The following DLG2 variants were observed in gnomAD, a reference collection of about 807,000 sequenced individuals.
The protein encoded by DLG2 is disks large homolog 2.
Under a neutral mutation model 132.5 loss-of-function variants are expected in DLG2, and 45 were observed. The observed-to-expected ratio is 0.34, with a 90% CI of 0.27 to 0.44. The LOEUF is 0.44. Ranked by LOEUF, DLG2 falls within the 20% of genes least tolerant of loss-of-function variation. The probability of loss-of-function intolerance (pLI) is 1.00; values close to 1 mark genes in which losing one functional copy is unlikely to be tolerated. For missense variants in DLG2, 1,045 were observed against 1,196.9 expected, an observed-to-expected ratio of 0.87 and a Z score of 1.87; for synonymous variants, 424 against 419.6, an observed-to-expected ratio of 1.01 and a Z score of -0.13.
At position 83,833,731 on chromosome 11, in the gene DLG2, G is replaced by T. The variant is rs2055251514; in HGVS notation, c.1605C>A (p.Gly535=). The T allele has an allele frequency of 1.9e-6, 3 of 1,613,962 alleles. No individual in the cohort carries two copies. The highest frequency in any genetic ancestry group is 2.5e-6 in the Non-Finnish European group (3 of 1,179,942). ...CCCCACCGACAATGTTGAAGCCCAG[G>T]CCAGTGGAGCCTTTGTGCAGGACTA... ...RKVVLHKGST[G]LGFNIVGGED... The change falls in exon 17 of 28, where the codon GGC becomes GGA. Residue 535 remains glycine, a synonymous_variant. Coordinates refer to ENST00000376104, the MANE Select transcript of DLG2 (RefSeq NM_001142699.3).
chr11:85,490,075 C>G (rs2093521680), intron 3 of DLG2, among the ~76,000 whole-genome samples: 1 of 152,012 alleles, frequency 6.6e-6, no homozygotes, highest in Admixed American at 6.6e-5. Flanking sequence ...GTAGTCCTAG[C>G]TACTCTGGAG....
chr11:83,835,666 C>T (rs2055938903), intron 16 of DLG2, among the ~76,000 whole-genome samples: 1 of 152,174 alleles, frequency 6.6e-6, no homozygotes, highest in Non-Finnish European at 1.5e-5. Flanking sequence ...ACAAATCTAG[C>T]AGGTTAAAAC....
chr11:85,554,120 A>G (rs2076810934), intron 3 of DLG2, among the ~76,000 whole-genome samples: 1 of 151,370 alleles, frequency 6.6e-6, no homozygotes, highest in African/African-American at 2.4e-5. Flanking sequence ...TTAAAAGGAC[A>G]ATAGAGTAAA....
chr11:84,530,432 CA>C (rs1591659371), intron 7 of DLG2, among the ~76,000 whole-genome samples: 2 of 151,584 alleles, frequency 1.3e-5, no homozygotes, highest in East Asian at 3.9e-4. Flanking sequence ...ATTAACAAGC[CA>C]AAAAACAATC....
At chr11:85,164,503 T>G in intron 4 of DLG2, among the ~76,000 whole-genome samples, 1 of 152,200 alleles carries the variant, frequency 6.6e-6, no homozygotes, top group East Asian at 1.9e-4. Context: ...CCCTGATAAC[T>G]TGCTGTCAAT....
chr11:84,808,188 A>C (rs1422294150), intron 6 of DLG2, among the ~76,000 whole-genome samples: 1 of 152,084 alleles, frequency 6.6e-6, no homozygotes, highest in Admixed American at 6.5e-5. Context: ...CACAAAGAAA[A>C]ATCTCCAAGT....
At chr11:83,558,316 A>G (rs953878261) in intron 19 of DLG2, among the ~76,000 whole-genome samples, 1 of 152,172 alleles carries the variant, frequency 6.6e-6, no homozygotes, top group South Asian at 2.1e-4. Context: ...AATTTAAAAA[A>G]TTTTTTATTT....
At chr11:84,684,872 T>C (rs992606717) in intron 6 of DLG2, among the ~76,000 whole-genome samples, 1 of 152,228 alleles carries the variant, frequency 6.6e-6, no homozygotes, top group Non-Finnish European at 1.5e-5. Context: ...TGTTCCCAGA[T>C]ACAGAATTAA....
intron 6 of DLG2, among the ~76,000 whole-genome samples, chr11:84,787,191 A>C (rs1699146176): frequency 6.6e-6 from 1 of 152,114 alleles, no homozygotes; most frequent in Admixed American, 6.5e-5. Flanking sequence ...GACTCTTGGC[A>C]AGTGTCTCTG....
intron 22 of DLG2, among the ~76,000 whole-genome samples, chr11:83,475,798 T>A (rs1015481973): frequency 2.0e-5 from 3 of 152,042 alleles, no homozygotes; most frequent in Non-Finnish European, 4.4e-5. Context: ...AAAATAGTCA[T>A]CCTTAAGAGT....
At chr11:84,621,430 A>G (rs1382817457) in intron 6 of DLG2, among the ~76,000 whole-genome samples, 1 of 152,136 alleles carries the variant, frequency 6.6e-6, no homozygotes, top group Non-Finnish European at 1.5e-5. Context: ...GAAGGAATAG[A>G]TGGATTTCCT....
At chr11:84,725,137 T>C (rs2062277277) in intron 6 of DLG2, among the ~76,000 whole-genome samples, 1 of 152,252 alleles carries the variant, frequency 6.6e-6, no homozygotes, top group East Asian at 1.9e-4. Flanking sequence ...AGAATTGAGA[T>C]CTGAAGCCAA....
chr11:85,518,257 G>A (rs544171470), intron 3 of DLG2, among the ~76,000 whole-genome samples: 26 of 152,252 alleles, frequency 1.7e-4, no homozygotes, highest in Admixed American at 5.9e-4. Context: ...GGGAAAGTTC[G>A]GAACTTCCTG....
chr11:84,198,850 A>G (rs1407127830), intron 8 of DLG2, among the ~76,000 whole-genome samples: 1 of 152,158 alleles, frequency 6.6e-6, no homozygotes, highest in Non-Finnish European at 1.5e-5. Flanking sequence ...AAAGACATAC[A>G]TTTTGTAGGA....
intron 18 of DLG2, among the ~76,000 whole-genome samples, chr11:83,723,152 G>A (rs1230416076): frequency 6.6e-6 from 1 of 151,474 alleles, no homozygotes; most frequent in Non-Finnish European, 1.5e-5. Context: ...AGGCCGAGGA[G>A]GGCAGATCAT....
chr11:84,951,591 T>TATATATATATATATAC, intron 6 of DLG2, among the ~76,000 whole-genome samples: 1 of 150,702 alleles, frequency 6.6e-6, no homozygotes, highest in South Asian at 2.1e-4. Flanking sequence ...AATACATACA[T>TATATATATATATATAC]ATATATATAC....
At chr11:85,481,509 C>A (rs907729640) in intron 3 of DLG2, among the ~76,000 whole-genome samples, 5 of 152,122 alleles carry the variant, frequency 3.3e-5, no homozygotes, top group African/African-American at 1.2e-4. Context: ...GGGAGAGATA[C>A]CTTCCACTTG....
chr11:84,605,912 T>C (rs1012556782), intron 6 of DLG2, among the ~76,000 whole-genome samples: 7 of 152,078 alleles, frequency 4.6e-5, no homozygotes, highest in African/African-American at 1.7e-4. Flanking sequence ...AAGCCTTAGA[T>C]CAAATTCTGC....
intron 4 of DLG2, among the ~76,000 whole-genome samples, chr11:85,270,239 G>A (rs1287581385): frequency 1.3e-5 from 2 of 152,148 alleles, no homozygotes; most frequent in African/African-American, 4.8e-5. Flanking sequence ...CTATTCTCAT[G>A]ATAGTGAATA....
Sources: allele counts gnomAD v4.1 joint callset (sites outside exome capture counted in the v4.1 genomes callset), GRCh38; gene constraint gnomAD v4.1.1; transcripts MANE v1.5; gene names NCBI Gene and HGNC (gene_info 2026-07-23, HGNC 2026-07-21).